CNTN1: variants seen among roughly 807,000 people sequenced by gnomAD.
CNTN1 encodes the protein contactin 1, also known as contactin-1.
In CNTN1, 38 loss-of-function variants were observed where a neutral mutation model predicts 126.4. The observed-to-expected ratio is 0.30, with a 90% CI of 0.23 to 0.39. CNTN1 has a LOEUF of 0.39. Among genes scored for constraint, CNTN1 ranks in the 10% least tolerant of loss-of-function variants. The probability of loss-of-function intolerance (pLI) is 1.00; values close to 1 mark genes in which losing one functional copy is unlikely to be tolerated. For missense variants in CNTN1, 1,009 were observed against 1,248.4 expected (o/e 0.81, Z 2.89); for synonymous variants, 413 against 422.6 (o/e 0.98, Z 0.28).
intron 23 of CNTN1, among the ~76,000 whole-genome samples, 184 bp from the exon 24 acceptor site, chr12:41,069,775 C>T (rs2121171455): frequency 6.6e-6 from 1 of 152,224 alleles, no homozygotes. Context: ...TGGTCTCACA[C>T]AGAAAATCTT....
intron 1 of CNTN1, among the ~76,000 whole-genome samples, chr12:40,819,809 T>C (rs114137183): frequency 0.013 from 1,921 of 152,244 alleles, 45 homozygotes; most frequent in African/African-American, 0.043. Context: ...GGTTCACAAG[T>C]AGGATCTTCC....
intron 1 of CNTN1, among the ~76,000 whole-genome samples, chr12:40,879,799 G>A (rs10784928): frequency 0.58 from 87,717 of 151,832 alleles, 25,785 homozygotes; most frequent in African/African-American, 0.68. Flanking sequence ...TCCTACTTGT[G>A]TTATGACTTT....
At chr12:40,810,508 G>A (rs1592111853) in intron 1 of CNTN1, among the ~76,000 whole-genome samples, 2 of 151,688 alleles carry the variant, frequency 1.3e-5, no homozygotes, top group Admixed American at 6.6e-5. Context: ...CAACTGCCAC[G>A]TTTGTACCCT....
intron 1 of CNTN1, among the ~76,000 whole-genome samples, chr12:40,724,105 T>C (rs549237242): frequency 3.3e-5 from 5 of 152,350 alleles, no homozygotes; most frequent in African/African-American, 9.6e-5. Context: ...ATTATCTTTA[T>C]ATTTTTTCAT....
At chr12:40,872,934 C>T (rs1260346188) in intron 1 of CNTN1, among the ~76,000 whole-genome samples, 1 of 151,970 alleles carries the variant, frequency 6.6e-6, no homozygotes, top group Non-Finnish European at 1.5e-5. Flanking sequence ...TATTATTACC[C>T]CATTTTAAAA....
At chr12:40,940,679 G>T (rs1423567149) in intron 12 of CNTN1, among the ~76,000 whole-genome samples, 1 of 152,106 alleles carries the variant, frequency 6.6e-6, no homozygotes, top group Non-Finnish European at 1.5e-5. Context: ...CTCTTATTAG[G>T]ATGAGCACAG....
At chr12:40,931,914 T>C (rs1363169426) in intron 7 of CNTN1, among the ~76,000 whole-genome samples, 1 of 151,976 alleles carries the variant, frequency 6.6e-6, no homozygotes, top group Non-Finnish European at 1.5e-5. Flanking sequence ...GCCTCTAAAA[T>C]ACAATTTATA....
chr12:40,800,922 T>C (rs370930002), intron 1 of CNTN1, among the ~76,000 whole-genome samples: 3 of 151,336 alleles, frequency 2.0e-5, no homozygotes, highest in Non-Finnish European at 4.4e-5. Context: ...GGTAGGATTG[T>C]GGAGATAAGA....
intron 1 of CNTN1, among the ~76,000 whole-genome samples, chr12:40,697,549 G>T (rs1941481379): frequency 6.6e-6 from 1 of 152,108 alleles, no homozygotes; most frequent in African/African-American, 2.4e-5. Flanking sequence ...TAGCTTTACT[G>T]TAGTTTATAA....
At chr12:40,749,587 T>C (rs896664522) in intron 1 of CNTN1, among the ~76,000 whole-genome samples, 1 of 96,526 alleles carries the variant, frequency 1.0e-5, no homozygotes, top group Non-Finnish European at 2.4e-5. Flanking sequence ...ACAATGGTAA[T>C]AGTAGTAGTT....
At chr12:40,869,475 G>C (rs1352584997) in intron 1 of CNTN1, among the ~76,000 whole-genome samples, 2 of 151,848 alleles carry the variant, frequency 1.3e-5, no homozygotes, top group African/African-American at 4.8e-5. Flanking sequence ...TCACTATGTT[G>C]CCCAGGCTGA....
chr12:40,931,900 T>A (rs1945899599), intron 7 of CNTN1, among the ~76,000 whole-genome samples: 1 of 151,978 alleles, frequency 6.6e-6, no homozygotes, highest in Non-Finnish European at 1.5e-5. Flanking sequence ...GTCCTGTTGA[T>A]TCTGCCTCTA....
intron 23 of CNTN1, chr12:41,061,906 T>G (rs2121110702): frequency 2.4e-6 from 1 of 414,222 alleles, no homozygotes; most frequent in Non-Finnish European, 4.8e-6. Context: ...GCTGTCTTTT[T>G]TCTTCTCTAC....
At chr12:40,913,374 T>C (rs1368023557) in intron 3 of CNTN1, among the ~76,000 whole-genome samples, 1 of 152,158 alleles carries the variant, frequency 6.6e-6, no homozygotes, top group Non-Finnish European at 1.5e-5. Flanking sequence ...TATTATCTCA[T>C]TTAGAGAGTT....
intron 1 of CNTN1, among the ~76,000 whole-genome samples, chr12:40,800,651 AG>A (rs2136483249): frequency 6.6e-6 from 1 of 152,110 alleles, no homozygotes; most frequent in Admixed American, 6.6e-5. Flanking sequence ...GGAAACAAAA[AG>A]TTAGAAAGGT....
chr12:40,950,428 G>T (rs752145308), intron 14 of CNTN1, among the ~76,000 whole-genome samples: 1 of 152,136 alleles, frequency 6.6e-6, no homozygotes, highest in Non-Finnish European at 1.5e-5. Flanking sequence ...AGTTTAAGTA[G>T]TAGAGGATGG....
rs148948637 is a variant in CNTN1, at chr12:41,048,548, G to A, written c.2980+19329G>A. On this transcript the variant is annotated intron_variant, in intron 23 of 23. Coordinates refer to ENST00000551295, the MANE Select transcript of CNTN1 (RefSeq NM_001843.4). ...ATTCTAACACCTCTCGTTAATTCAAGAATATTGCTTCAACTACCCTTTCCT... is the reference window on the plus strand; with the variant it reads ...ATTCTAACACCTCTCGTTAATTCAAAAATATTGCTTCAACTACCCTTTCCT... 1.6e-4 allele frequency among the ~76,000 whole-genome samples: 24 copies of A among 152,148 alleles called. No homozygotes were observed. The East Asian group carries it at 4.6e-3, about 29-fold the overall frequency.
At chr12:40,697,303 A>T (rs1941474179) in intron 1 of CNTN1, among the ~76,000 whole-genome samples, 1 of 152,212 alleles carries the variant, frequency 6.6e-6, no homozygotes, top group South Asian at 2.1e-4. Context: ...TCATTTTGAT[A>T]GTACAAATTG....
chr12:40,966,994 T>G (rs1419001893), intron 15 of CNTN1, among the ~76,000 whole-genome samples: 1 of 152,088 alleles, frequency 6.6e-6, no homozygotes, highest in African/African-American at 2.4e-5. Context: ...TTTGGCAAAC[T>G]GGAATTTCTT....
Sources: allele counts gnomAD v4.1 joint callset (sites outside exome capture counted in the v4.1 genomes callset), GRCh38; gene constraint gnomAD v4.1.1; transcripts MANE v1.5; gene names NCBI Gene and HGNC (gene_info 2026-07-23, HGNC 2026-07-21).